The following UBE2E2 variants were observed in gnomAD, a reference collection of about 807,000 sequenced individuals.
UBE2E2 encodes ubiquitin-conjugating enzyme E2 E2.
A neutral mutation model predicts 24.7 loss-of-function variants in UBE2E2; 6 were observed. The ratio of observed to expected loss-of-function variants is 0.24; its 90% CI spans 0.13 to 0.48. The LOEUF (loss-of-function observed/expected upper bound fraction) is 0.48. Among genes scored for constraint, UBE2E2 ranks in the 20% least tolerant of loss-of-function variants. The pLI is 0.99. For missense variants in UBE2E2, 169 were observed against 245.0 expected (o/e 0.69, Z 2.07); for synonymous variants, 104 against 83.6 (o/e 1.24, Z -1.33).
chr3:23,491,901 T>C (rs115200537), intron 3 of UBE2E2, among the ~76,000 whole-genome samples: 127 of 152,152 alleles, frequency 8.3e-4, no homozygotes, highest in African/African-American at 3.0e-3. Context: ...AGTACAGAGA[T>C]AACAATGAAG....
chr3:23,397,583 C>T (rs910729433), intron 3 of UBE2E2, among the ~76,000 whole-genome samples: 2 of 152,140 alleles, frequency 1.3e-5, no homozygotes, highest in African/African-American at 4.8e-5. Context: ...ATAATCACTT[C>T]CTGGATTTTC....
intron 3 of UBE2E2, among the ~76,000 whole-genome samples, chr3:23,488,464 CA>C (rs746699554): frequency 6.6e-6 from 1 of 152,182 alleles, no homozygotes; most frequent in Non-Finnish European, 1.5e-5. Flanking sequence ...ACAAATTACA[CA>C]GCTTAACTAG....
intron 3 of UBE2E2, among the ~76,000 whole-genome samples, chr3:23,250,878 G>A (rs923924271): frequency 1.3e-5 from 2 of 152,072 alleles, no homozygotes; most frequent in Admixed American, 6.6e-5. Context: ...ATTTATTGGA[G>A]ACAGAGTCGC....
At chr3:23,555,873 T>G (rs1695766743) in intron 5 of UBE2E2, among the ~76,000 whole-genome samples, 1 of 152,040 alleles carries the variant, frequency 6.6e-6, no homozygotes, top group South Asian at 2.1e-4. Context: ...AAGGTTGTAG[T>G]GTGGGGAAGG....
intron 3 of UBE2E2, among the ~76,000 whole-genome samples, chr3:23,457,129 A>C (rs943691052): frequency 2.0e-5 from 3 of 152,186 alleles, no homozygotes; most frequent in Non-Finnish European, 4.4e-5. Context: ...GTTGAGGTGG[A>C]GTAAAGGCAG....
intron 4 of UBE2E2, among the ~76,000 whole-genome samples, chr3:23,511,511 T>C (rs1694593572): frequency 6.6e-6 from 1 of 152,114 alleles, no homozygotes; most frequent in Non-Finnish European, 1.5e-5. Context: ...GTGAGTCATA[T>C]GAGCTAGAGG....
chr3:23,540,722 A>C (rs1474448871), intron 5 of UBE2E2, among the ~76,000 whole-genome samples: 1 of 152,036 alleles, frequency 6.6e-6, no homozygotes, highest in African/African-American at 2.4e-5. Context: ...CTTTTTAAAA[A>C]AATAGAGAGA....
chr3:23,577,715 C>G (rs547696126), intron 5 of UBE2E2, among the ~76,000 whole-genome samples: 2 of 152,270 alleles, frequency 1.3e-5, no homozygotes, highest in Admixed American at 1.3e-4. Context: ...GATGAAACAG[C>G]CTTCTGTTGA....
rs533259973 is a variant in UBE2E2, at chr3:23,538,494, G to A, written c.508+5793G>A. On this transcript the variant is annotated intron_variant, in intron 5 of 5. Transcript: ENST00000396703. Reference sequence around the variant, plus strand: ...ATCAATCTACCTGGTATTTTTAATAGCAAGACAGTAAACAAAGTTCAAAAC... The same window carrying A: ...ATCAATCTACCTGGTATTTTTAATAACAAGACAGTAAACAAAGTTCAAAAC... Among the ~76,000 whole-genome samples the A allele has an allele frequency of 6.6e-5, 10 of 152,222 alleles. No individual in the cohort carries two copies. In the South Asian group the frequency reaches 2.1e-3, roughly 32 times the overall value.
At chr3:23,541,637 C>T (rs1028005150) in intron 5 of UBE2E2, among the ~76,000 whole-genome samples, 4 of 152,198 alleles carry the variant, frequency 2.6e-5, no homozygotes, top group African/African-American at 7.2e-5. Flanking sequence ...ACAGGGAAAC[C>T]TGTTGCCACA....
chr3:23,338,572 C>A (rs1326165318), intron 3 of UBE2E2, among the ~76,000 whole-genome samples: 3 of 152,048 alleles, frequency 2.0e-5, no homozygotes, highest in Non-Finnish European at 2.9e-5. Flanking sequence ...ATAAAAGGAA[C>A]CAGAGTTCCT....
intron 3 of UBE2E2, among the ~76,000 whole-genome samples, chr3:23,283,223 T>C (rs968475165): frequency 6.6e-6 from 1 of 152,172 alleles, no homozygotes; most frequent in Non-Finnish European, 1.5e-5. Context: ...CTTTTTTTTT[T>C]TCATGTAGAA....
intron 3 of UBE2E2, among the ~76,000 whole-genome samples, chr3:23,281,021 A>C (rs1698479594): frequency 6.6e-6 from 1 of 152,200 alleles, no homozygotes; most frequent in Non-Finnish European, 1.5e-5. Flanking sequence ...GGAGAAAGAA[A>C]GACCTTGTGT....
At chr3:23,439,155 A>T (rs1698243134) in intron 3 of UBE2E2, among the ~76,000 whole-genome samples, 2 of 152,236 alleles carry the variant, frequency 1.3e-5, no homozygotes, top group Non-Finnish European at 1.5e-5. Context: ...CATTGAATTC[A>T]TGATGTTTTG....
chr3:23,418,023 C>G (rs1242393672), intron 3 of UBE2E2, among the ~76,000 whole-genome samples: 4 of 152,130 alleles, frequency 2.6e-5, no homozygotes, highest in Non-Finnish European at 5.9e-5. Context: ...CTGAGCTAAA[C>G]CACTTGGCTC....
chr3:23,363,510 C>G (rs945869917), intron 3 of UBE2E2, among the ~76,000 whole-genome samples: 1 of 152,140 alleles, frequency 6.6e-6, no homozygotes, highest in African/African-American at 2.4e-5. Context: ...TACTTTCTGA[C>G]AAAATAGACG....
intron 3 of UBE2E2, among the ~76,000 whole-genome samples, chr3:23,218,587 T>C (rs1460225615): frequency 2.6e-5 from 4 of 152,016 alleles, no homozygotes; most frequent in Non-Finnish European, 5.9e-5. Context: ...ATATTACATA[T>C]ATTATTTTTG....
intron 3 of UBE2E2, among the ~76,000 whole-genome samples, chr3:23,349,563 G>A (rs542998701): frequency 2.6e-5 from 4 of 152,316 alleles, no homozygotes; most frequent in East Asian, 3.9e-4. Flanking sequence ...CTTAAAAAAC[G>A]GCGCACCAGG....
chr3:23,359,441 A>G (rs1233316249), intron 3 of UBE2E2, among the ~76,000 whole-genome samples: 1 of 152,224 alleles, frequency 6.6e-6, no homozygotes, highest in Non-Finnish European at 1.5e-5. Flanking sequence ...TTTCTTTTCT[A>G]AACAAAAGAC....
Sources: allele counts gnomAD v4.1 joint callset (sites outside exome capture counted in the v4.1 genomes callset), GRCh38; gene constraint gnomAD v4.1.1; transcripts MANE v1.5; gene names NCBI Gene and HGNC (gene_info 2026-07-23, HGNC 2026-07-21).